ADGB: variants seen among roughly 807,000 people sequenced by gnomAD.
ADGB encodes calpain-7-like protein.
In ADGB, 172 loss-of-function variants were observed where a neutral mutation model predicts 210.5. That is an observed-to-expected ratio of 0.82 (90% CI 0.72 to 0.93). The LOEUF (loss-of-function observed/expected upper bound fraction) is 0.93, where lower values mean the gene tolerates loss of function less well. ADGB is among the 40% of genes least tolerant of loss of function. The pLI, the probability that ADGB is intolerant of heterozygous loss-of-function variation, is 0.00. For synonymous variants in ADGB, 658 were observed against 662.7 expected, an observed-to-expected ratio of 0.99 and a Z score of 0.11; for missense variants, 2,025 against 1,964.8, an observed-to-expected ratio of 1.03 and a Z score of -0.58.
intron 35 of ADGB, among the ~76,000 whole-genome samples, chr6:146,812,702 T>C (rs1397413644): frequency 6.6e-6 from 1 of 152,236 alleles, no homozygotes; most frequent in African/African-American, 2.4e-5. Context: ...GCGTGAAATC[T>C]AACAGACTTT....
chr6:146,668,222 T>C (rs940188566), intron 7 of ADGB, among the ~76,000 whole-genome samples: 1 of 152,110 alleles, frequency 6.6e-6, no homozygotes, highest in South Asian at 2.1e-4. Flanking sequence ...ACTCAGATAC[T>C]GACTTTTACA....
At chr6:146,803,593 T>G in intron 35 of ADGB, 2 of 1,369,604 alleles carry the variant, frequency 1.5e-6, no homozygotes, top group Non-Finnish European at 2.1e-6. Flanking sequence ...CTTCTTAACC[T>G]CCTTCATGTT....
rs568350377 is a variant in ADGB at position 146,749,464 on chromosome 6, G to A, written c.3366-3066G>A. ...AAGCAGCCCCCAAACAGGAGGGAAA[G>A]TACAAAAGTTGCTGTGCTCATAGTG... On this transcript the variant is annotated intron_variant, in intron 26 of 35. Transcript: ENST00000397944. Among the ~76,000 whole-genome samples, 5 of 152,254 alleles carry A rather than the reference G, an allele frequency of 3.3e-5. No individual in the cohort carries two copies. The South Asian group carries it at 8.3e-4, about 25-fold the overall frequency.
Position 146,676,388 on chromosome 6 carries a change from A to G in ADGB, c.1163A>G (p.His388Arg). The change falls in exon 9 of 36, where the codon CAT (histidine) becomes CGT (arginine). Residue 388 changes from histidine to arginine, a missense_variant. Physicochemically the swap from His to Arg is conservative, Grantham distance 29 (BLOSUM62 0). Coordinates refer to ENST00000397944, the MANE Select transcript of ADGB (RefSeq NM_024694.4). Reference sequence around the variant, plus strand: ...AAAGAAAAATTCAAATTCTCACTTCATGGTTCAAGACCCTCATCAGAAGTG... The same window carrying G: ...AAAGAAAAATTCAAATTCTCACTTCGTGGTTCAAGACCCTCATCAGAAGTG... The part of the protein sequence containing the change: ...GEKEKFKFSL[H>R]GSRPSSEVQY... 1 of 1,548,802 alleles carries G rather than the reference A, an allele frequency of 6.5e-7. No homozygotes were observed. Among genetic ancestry groups the G allele is most frequent in the Non-Finnish European group, 8.7e-7 (1 of 1,145,138 alleles).
chr6:146,660,064 T>C (rs1008641313), intron 5 of ADGB, among the ~76,000 whole-genome samples: 1 of 152,176 alleles, frequency 6.6e-6, no homozygotes, highest in Non-Finnish European at 1.5e-5. Flanking sequence ...CCTAATTTTG[T>C]GGTACAGAAA....
chr6:146,808,929 G>A (rs1462030517), intron 35 of ADGB, among the ~76,000 whole-genome samples: 1 of 151,998 alleles, frequency 6.6e-6, no homozygotes, highest in Non-Finnish European at 1.5e-5. Context: ...AGAGAAAGCT[G>A]GGACCAAGTG....
At chr6:146,783,359 A>G (rs918939838) in intron 30 of ADGB, among the ~76,000 whole-genome samples, 4 of 152,096 alleles carry the variant, frequency 2.6e-5, no homozygotes, top group Non-Finnish European at 4.4e-5. Flanking sequence ...TATAGATTTC[A>G]AAGATTTCAT....
At chr6:146,672,662 A>T (rs1210470349) in intron 8 of ADGB, among the ~76,000 whole-genome samples, 195 bp downstream of exon 8, 2 of 152,040 alleles carry the variant, frequency 1.3e-5, no homozygotes, top group Non-Finnish European at 2.9e-5. Context: ...AAAGCTCCTC[A>T]GTTACAGAGT....
chr6:146,760,134 A>G (rs928700416), intron 27 of ADGB, among the ~76,000 whole-genome samples: 4 of 151,924 alleles, frequency 2.6e-5, no homozygotes, highest in African/African-American at 9.7e-5. Context: ...ATTAAAGTAT[A>G]ATTTATATAC....
intron 8 of ADGB, among the ~76,000 whole-genome samples, chr6:146,675,443 C>T (rs980609583): frequency 2.6e-5 from 4 of 151,808 alleles, no homozygotes; most frequent in Non-Finnish European, 5.9e-5. Flanking sequence ...CCACTGCACT[C>T]CAGCCTGGGT....
Position 146,782,102 on chromosome 6 carries a change from A to G in ADGB, c.3945A>G (p.Val1315=). The change falls in exon 30 of 36, where the codon GTA becomes GTG. Residue 1315 remains valine, a synonymous_variant. Coordinates refer to ENST00000397944, the MANE Select transcript of ADGB (RefSeq NM_024694.4). ...TTAGTGAGGGACAAAAATCTTCAGTAACTTCCAAAACAACAAGGAAAGGCA... is the reference window on the plus strand; with the variant it reads ...TTAGTGAGGGACAAAAATCTTCAGTGACTTCCAAAACAACAAGGAAAGGCA... ...HTISEGQKSS[V]TSKTTRKGKE... 1.3e-6 allele frequency: 2 copies of G among 1,548,528 alleles called. No homozygotes were observed. The highest frequency in any genetic ancestry group is 2.0e-5 in the Admixed American group (1 of 50,502).
At position 146,734,701 on chromosome 6, in the gene ADGB, G is replaced by A. The variant is rs542489131; in HGVS notation, c.2794+671G>A. Reference sequence around the variant, plus strand: ...GAGGGGGGCAGATTGCTTGAGCTCTGGAGTTCAACACCAGCCTGGGCAACA... The same window carrying A: ...GAGGGGGGCAGATTGCTTGAGCTCTAGAGTTCAACACCAGCCTGGGCAACA... On this transcript the variant is annotated intron_variant, in intron 22 of 35. Transcript: ENST00000397944. Among the ~76,000 whole-genome samples, 103 of 152,196 alleles carry A rather than the reference G, an allele frequency of 6.8e-4. 1 individual carries two copies. Among genetic ancestry groups the A allele is most frequent in the African/African-American group, 2.4e-3 (101 of 41,550 alleles).
chr6:146,646,422 G>T (rs1775611855), intron 3 of ADGB, among the ~76,000 whole-genome samples: 1 of 152,036 alleles, frequency 6.6e-6, no homozygotes, highest in African/African-American at 2.4e-5. Flanking sequence ...AAATATTAAA[G>T]CCCTCTCAAG....
At chr6:146,790,884 G>A (rs76561315) in intron 33 of ADGB, among the ~76,000 whole-genome samples, 7,406 of 152,170 alleles carry the variant, frequency 0.049, 626 homozygotes, top group African/African-American at 0.17. Context: ...AATAGCCAAT[G>A]TAACAGGTAT....
At chr6:146,742,018 T>G (rs948185750) in intron 25 of ADGB, among the ~76,000 whole-genome samples, 1 of 152,218 alleles carries the variant, frequency 6.6e-6, no homozygotes, top group Non-Finnish European at 1.5e-5. Flanking sequence ...TTTCAGCCTA[T>G]GATTCTATAC....
rs558505264 is a variant in ADGB, at chr6:146,763,900, G to A, written c.3551-1G>A. The A allele has an allele frequency of 3.2e-6, 5 of 1,549,100 alleles. No homozygotes were observed. In the South Asian group the frequency reaches 6.0e-5, roughly 18 times the overall value. ...TTTAACTTAGTATTTCTCCTATTCA[G>A]CTAGCAAGCACATTCTTTCATTTCA... On this transcript the variant is annotated splice_acceptor_variant, in intron 27 of 35. Transcript: ENST00000397944. LOFTEE classifies it high-confidence loss of function.
At chr6:146,701,194 G>C in intron 13 of ADGB, 124 bp downstream of exon 13, 3 of 1,106,350 alleles carry the variant, frequency 2.7e-6, no homozygotes, top group Non-Finnish European at 3.8e-6. Context: ...ATAAAGAATA[G>C]TGTTAAAATA....
intron 3 of ADGB, among the ~76,000 whole-genome samples, chr6:146,647,196 A>G (rs1775631856): frequency 6.6e-6 from 1 of 151,892 alleles, no homozygotes; most frequent in African/African-American, 2.4e-5. Context: ...AAAAGACTTT[A>G]AAGGCAATAT....
At chr6:146,814,937 G>A (rs41285875) in intron 35 of ADGB, 95 bp from the exon 36 acceptor site, 34,190 of 1,230,966 alleles carry the variant, frequency 0.028, 733 homozygotes, top group African/African-American at 0.1. Flanking sequence ...ATGTGTGGGC[G>A]TAAGGACAGG....
Sources: gnomAD v4.1 joint callset for allele counts (sites outside exome capture counted in the v4.1 genomes callset) on GRCh38, gnomAD v4.1.1 for gene constraint, MANE v1.5 for transcripts, NCBI Gene and HGNC (gene_info 2026-07-23, HGNC 2026-07-21) for gene names.